Variants in SLC44A1 observed in about 807,000 individuals in gnomAD.
SLC44A1 encodes the protein solute carrier family 44 member 1.
Under a neutral mutation model 79.3 loss-of-function variants are expected in SLC44A1, and 26 were observed. That is an observed-to-expected ratio of 0.33 (90% CI 0.24 to 0.46). The LOEUF (loss-of-function observed/expected upper bound fraction) is 0.46, where lower values mean the gene tolerates loss of function less well. Ranked by LOEUF, SLC44A1 falls within the 20% of genes least tolerant of loss-of-function variation. The probability of loss-of-function intolerance (pLI) is 1.00; values close to 1 mark genes in which losing one functional copy is unlikely to be tolerated. For missense variants in SLC44A1, 688 were observed against 798.1 expected, an observed-to-expected ratio of 0.86 and a Z score of 1.66; for synonymous variants, 263 against 286.2, an observed-to-expected ratio of 0.92 and a Z score of 0.82.
At chr9:105,264,000 C>T (rs1374224576) in intron 1 of SLC44A1, among the ~76,000 whole-genome samples, 1 of 152,106 alleles carries the variant, frequency 6.6e-6, no homozygotes, top group Admixed American at 6.6e-5. Flanking sequence ...GCTACCTCCT[C>T]GCTTTTCAAT....
At chr9:105,298,061 A>G (rs991353559) in intron 1 of SLC44A1, among the ~76,000 whole-genome samples, 3 of 152,016 alleles carry the variant, frequency 2.0e-5, no homozygotes, top group Non-Finnish European at 4.4e-5. Context: ...TTAGATTTCC[A>G]TTAAAAGGGA....
At chr9:105,407,636 G>A (rs910829588) in intron 15 of SLC44A1, among the ~76,000 whole-genome samples, 8 of 152,096 alleles carry the variant, frequency 5.3e-5, no homozygotes, top group Non-Finnish European at 1.0e-4. Context: ...TTGGGAGGCT[G>A]AGGCAGGCGG....
At chr9:105,359,381 C>T (rs1338868816) in intron 7 of SLC44A1, among the ~76,000 whole-genome samples, 1 of 151,926 alleles carries the variant, frequency 6.6e-6, no homozygotes, top group Non-Finnish European at 1.5e-5. Flanking sequence ...ACCAATGGAA[C>T]AGAAACAATA....
intron 15 of SLC44A1, among the ~76,000 whole-genome samples, chr9:105,414,180 A>G (rs1446801020): frequency 6.6e-6 from 1 of 151,742 alleles, no homozygotes; most frequent in Non-Finnish European, 1.5e-5. Flanking sequence ...TTCCTGCCTC[A>G]GCCTCCCAAG....
intron 2 of SLC44A1, among the ~76,000 whole-genome samples, chr9:105,304,944 G>C (rs1011867885): frequency 5.0e-5 from 1 of 20,078 alleles, no homozygotes; most frequent in Non-Finnish European, 1.1e-4. Flanking sequence ...ACTTTCTATC[G>C]TTTTTTTTTT....
intron 15 of SLC44A1, among the ~76,000 whole-genome samples, chr9:105,437,534 T>C (rs1406346556): frequency 6.6e-6 from 1 of 152,122 alleles, no homozygotes; most frequent in Non-Finnish European, 1.5e-5. Flanking sequence ...CTAATACTTT[T>C]GGATCACTTG....
At chr9:105,403,766 G>C (rs922453542) in intron 15 of SLC44A1, among the ~76,000 whole-genome samples, 1 of 150,714 alleles carries the variant, frequency 6.6e-6, no homozygotes, top group Admixed American at 6.6e-5. Context: ...GGGAAGTAGA[G>C]AGTGTTCCAA....
chr9:105,287,930 G>C (rs370562556), intron 1 of SLC44A1, among the ~76,000 whole-genome samples: 1 of 152,138 alleles, frequency 6.6e-6, no homozygotes, highest in Non-Finnish European at 1.5e-5. Flanking sequence ...TGATATATAG[G>C]TGATATAATG....
At chr9:105,368,789 A>G (rs1202379369) in intron 12 of SLC44A1, among the ~76,000 whole-genome samples, 1 of 152,136 alleles carries the variant, frequency 6.6e-6, no homozygotes, top group South Asian at 2.1e-4. Flanking sequence ...TGTAATCCCA[A>G]CACTTTTGGA....
intron 3 of SLC44A1, among the ~76,000 whole-genome samples, chr9:105,314,275 T>A (rs911414437): frequency 1.3e-5 from 2 of 152,176 alleles, no homozygotes; most frequent in East Asian, 1.9e-4. Context: ...GATGCTCCCA[T>A]GTGCTGGGTG....
At chr9:105,424,074 T>G (rs1829289441) in intron 15 of SLC44A1, among the ~76,000 whole-genome samples, 1 of 152,224 alleles carries the variant, frequency 6.6e-6, no homozygotes, top group African/African-American at 2.4e-5. Context: ...TTGTACTTTA[T>G]GGATGATTTA....
At chr9:105,421,711 C>T (rs1000084732) in intron 15 of SLC44A1, among the ~76,000 whole-genome samples, 3 of 151,992 alleles carry the variant, frequency 2.0e-5, no homozygotes, top group African/African-American at 7.2e-5. Flanking sequence ...CCTCAGCCTC[C>T]CGAGTAGCTG....
chr9:105,274,093 A>G (rs1339971151), intron 1 of SLC44A1, among the ~76,000 whole-genome samples: 1 of 152,220 alleles, frequency 6.6e-6, no homozygotes, highest in Non-Finnish European at 1.5e-5. Flanking sequence ...CAATAAAAAA[A>G]CCAGTAAAGG....
At chr9:105,408,430 A>C (rs367612045) in intron 15 of SLC44A1, among the ~76,000 whole-genome samples, 147 of 141,108 alleles carry the variant, frequency 1.0e-3, no homozygotes, top group African/African-American at 4.4e-3. Context: ...GTTGTATTTG[A>C]GACGGAGTCT....
intron 1 of SLC44A1, among the ~76,000 whole-genome samples, chr9:105,274,629 T>G (rs981343938): frequency 6.6e-6 from 1 of 152,238 alleles, no homozygotes; most frequent in Non-Finnish European, 1.5e-5. Context: ...CCTATCATTC[T>G]GATCATGAAA....
chr9:105,305,843 C>CTTTTT (rs748755778), intron 2 of SLC44A1, among the ~76,000 whole-genome samples: 8 of 84,972 alleles, frequency 9.4e-5, no homozygotes, highest in African/African-American at 2.6e-4. Flanking sequence ...AAAGTGTGTC[C>CTTTTT]TTTTTTTTTT....
intron 1 of SLC44A1, among the ~76,000 whole-genome samples, chr9:105,270,479 A>G (rs537031727): frequency 1.3e-5 from 2 of 152,130 alleles, no homozygotes; most frequent in East Asian, 3.9e-4. Context: ...CTTCTTCTCT[A>G]CCTTACTCTG....
chr9:105,437,478 C>CTA (rs1429615690), intron 15 of SLC44A1, among the ~76,000 whole-genome samples: 5 of 151,938 alleles, frequency 3.3e-5, no homozygotes, highest in African/African-American at 9.7e-5. Context: ...CTCTCTCTCT[C>CTA]TCTATATATA....
At chr9:105,331,975 C>T (rs10991629) in intron 3 of SLC44A1, among the ~76,000 whole-genome samples, 27,287 of 152,136 alleles carry the variant, frequency 0.18, 3,453 homozygotes, top group African/African-American at 0.36. Context: ...CAGTGACTAA[C>T]ACCTACACAC....
Sources: allele counts gnomAD v4.1 joint callset (sites outside exome capture counted in the v4.1 genomes callset), GRCh38; gene constraint gnomAD v4.1.1; transcripts MANE v1.5; gene names NCBI Gene and HGNC (gene_info 2026-07-23, HGNC 2026-07-21).